RABL6: variants seen among roughly 807,000 people sequenced by gnomAD.
RABL6 encodes rab-like protein 6.
In RABL6, 28 loss-of-function variants were observed where a neutral mutation model predicts 72.9. The observed-to-expected ratio is 0.38, with a 90% CI of 0.28 to 0.53. RABL6 has a LOEUF of 0.53. RABL6 is among the 20% of genes least tolerant of loss of function. The pLI, the probability that RABL6 is intolerant of heterozygous loss-of-function variation, is 0.80. For missense variants in RABL6, 1,029 were observed against 1,008.4 expected (o/e 1.02, Z -0.28); for synonymous variants, 477 against 421.2 (o/e 1.13, Z -1.62).
rs552381023 is a variant in RABL6 at position 136,841,059 on chromosome 9, G to A, written c.*537G>A. ...AAGGCAGCATGTGAGGCCTCTCCTG[G>A]GAGTGGGGGTTGTGTTTCCCACAGT... On this transcript the variant is annotated 3_prime_UTR_variant, in exon 15 of 15. Coordinates refer to ENST00000311502, the MANE Select transcript of RABL6 (RefSeq NM_024718.5). 3.5e-6 allele frequency: 5 copies of A among 1,419,152 alleles called. No homozygotes were observed. The highest frequency in any genetic ancestry group is 1.6e-5 in the South Asian group (1 of 63,974). The allele number at this position is 1,419,152 out of a possible 1,614,324, so 87.9% of individuals were successfully genotyped here.
intron 7 of RABL6, chr9:136,835,534 C>T (rs752123370): frequency 1.1e-5 from 6 of 544,552 alleles, no homozygotes; most frequent in African/African-American, 3.8e-5. Context: ...GTGTAGGTGT[C>T]GTGCCGGCCA....
intron 5 of RABL6, 31 bp downstream of exon 5, chr9:136,829,515 G>T: frequency 6.5e-7 from 1 of 1,539,930 alleles, no homozygotes; most frequent in African/African-American, 1.4e-5. Flanking sequence ...GCAGCTGCCT[G>T]TGACTCTCAC....
chr9:136,840,471 C>G lies in RABL6; in HGVS notation c.2139C>G (p.Gly713=). The part of the protein sequence containing the change: ...AADELEAFLG[G]GAPGGRHPGG... ...ATGAGCTGGAGGCTTTCCTGGGGGG[C>G]GGGGCCCCGGGCGGCCGCCACCCTG... Residue 713 remains glycine (G), a synonymous_variant, in exon 15 of 15, where the codon GGC becomes GGG. Coordinates refer to ENST00000311502, the MANE Select transcript of RABL6 (RefSeq NM_024718.5). 1 of 1,531,034 alleles carries G rather than the reference C, an allele frequency of 6.5e-7. No individual in the cohort carries two copies. The highest frequency in any genetic ancestry group is 8.8e-7 in the Non-Finnish European group (1 of 1,140,088). The allele number at this position is 1,531,034 out of a possible 1,614,324, so 94.8% of individuals were successfully genotyped here.
chr9:136,809,928 G>A (rs1454483415), intron 1 of RABL6: 3 of 153,580 alleles, frequency 2.0e-5, no homozygotes, highest in Non-Finnish European at 4.4e-5. Context: ...TGGAGTGGAA[G>A]CCTGGGGGCT....
intron 1 of RABL6, among the ~76,000 whole-genome samples, chr9:136,818,129 C>T (rs1316252253): frequency 5.4e-5 from 8 of 149,396 alleles, no homozygotes; most frequent in East Asian, 4.0e-4. Context: ...TTTGGGAGGC[C>T]GAGGCGGGCA....
At chr9:136,831,665 G>T in intron 5 of RABL6, 56 bp from the exon 6 acceptor site, 2 of 1,602,724 alleles carry the variant, frequency 1.2e-6, no homozygotes, top group Non-Finnish European at 8.5e-7. Flanking sequence ...CCTTTCCAGG[G>T]AGGGACAGGG....
rs568642234 is a variant in RABL6 at position 136,819,521 on chromosome 9, T to C, written c.131-4004T>C. On this transcript the variant is annotated intron_variant, in intron 1 of 14. Coordinates refer to ENST00000311502, the MANE Select transcript of RABL6 (RefSeq NM_024718.5). ...AATTTTTTTTTCTTTAATTTGGCTA[T>C]GTGGTGTATAAGAGACACATCCAAA... Among the ~76,000 whole-genome samples the C allele has an allele frequency of 1.8e-3, 280 of 152,188 alleles. 1 individual carries two copies. The highest frequency in any genetic ancestry group is 3.1e-3 in the Non-Finnish European group (214 of 68,012).
chr9:136,832,617 T>G, intron 7 of RABL6: 1 of 555,788 alleles, frequency 1.8e-6, no homozygotes, highest in Non-Finnish European at 3.3e-6. Flanking sequence ...CTTGCTCAGT[T>G]TCCCCCAGTG....
Position 136,832,307 on chromosome 9 carries a change from G to A in RABL6, c.642G>A (p.Met214Ile). 1.2e-6 allele frequency: 2 copies of A among 1,613,928 alleles called. No homozygotes were observed. Among genetic ancestry groups the A allele is most frequent in the Non-Finnish European group, 1.7e-6 (2 of 1,179,846 alleles). ...ACTTCCGCTATGCTGAGTCTTCCATGAAGAACAGCTTCGGCCTAAAGTACC... is the reference window on the plus strand; with the variant it reads ...ACTTCCGCTATGCTGAGTCTTCCATAAAGAACAGCTTCGGCCTAAAGTACC... ...SSYFRYAESSMKNSFGLKYLH... is the reference protein window; with the variant it reads ...SSYFRYAESSIKNSFGLKYLH... The change falls in exon 7 of 15, where the codon ATG becomes ATA. Residue 214 changes from methionine (M) to isoleucine (I), a missense_variant. Met to Ile is a conservative substitution (Grantham distance 10). Coordinates refer to ENST00000311502, the MANE Select transcript of RABL6 (RefSeq NM_024718.5).
chr9:136,829,347 G>T, intron 4 of RABL6, 46 bp from the exon 5 acceptor site: 1 of 1,421,306 alleles, frequency 7.0e-7, no homozygotes, highest in South Asian at 1.2e-5. Flanking sequence ...CACACGGGTG[G>T]GGCCCAGCCT....
intron 3 of RABL6, chr9:136,828,222 C>T (rs572837519): frequency 3.4e-4 from 154 of 447,586 alleles, no homozygotes; most frequent in South Asian, 3.1e-3. Context: ...GCCATCCCAC[C>T]GCAGCCTGTC....
chr9:136,830,993 G>A (rs761313398), intron 5 of RABL6: 1 of 154,792 alleles, frequency 6.5e-6, no homozygotes, highest in Non-Finnish European at 1.5e-5. Context: ...GAGGCCAGAG[G>A]TGCCCCTGGG....
rs1320997078 is a variant in RABL6, at chr9:136,840,597, C to T, written c.*75C>T. 6.5e-7 allele frequency: 1 copy of T among 1,549,516 alleles called. No homozygotes were observed. Among genetic ancestry groups the T allele is most frequent in the African/African-American group, 1.4e-5 (1 of 73,154 alleles). ...CCTGGGGAGGCATTTGCCTCTGTAC[C>T]ATCGCCTTTGCCGCTGCCCCGTGGC... On this transcript the variant is annotated 3_prime_UTR_variant, in exon 15 of 15. Transcript: ENST00000311502.
Position 136,841,159 on chromosome 9 carries a change from A to G in RABL6, c.*637A>G. The G allele has an allele frequency of 3.7e-6, 3 of 800,614 alleles. No individual in the cohort carries two copies. The highest frequency in any genetic ancestry group is 5.4e-6 in the Non-Finnish European group (3 of 556,562). 49.6% of individuals were successfully genotyped at this position (800,614 alleles called of 1,614,324 possible). A position where few individuals can be genotyped will look rare whatever the true frequency, so the allele number is the denominator to read the frequency against. On this transcript the variant is annotated 3_prime_UTR_variant, in exon 15 of 15. Transcript: ENST00000311502. ...GGCACTCCTCCCAAACACTCCACTC[A>G]GACCATAAAGCACTCCTGTTTCACT...
intron 5 of RABL6, among the ~76,000 whole-genome samples, chr9:136,831,194 C>T (rs1023671160): frequency 5.9e-5 from 9 of 152,310 alleles, no homozygotes; most frequent in East Asian, 1.9e-4. Context: ...GGCAGTTCCA[C>T]GCCAGGCAGA....
At chr9:136,824,981 C>T (rs993883692) in intron 2 of RABL6, among the ~76,000 whole-genome samples, 7 of 152,146 alleles carry the variant, frequency 4.6e-5, no homozygotes, top group African/African-American at 1.7e-4. Flanking sequence ...GGGCCCCGGG[C>T]GTGCCTCTCC....
Position 136,839,271 on chromosome 9 carries a change from A to G in RABL6, c.1543A>G (p.Thr515Ala). ...KPRRGTAPTR[T>A]AAPPWPGGVS... is the part of the protein sequence containing the mutation. ...ACGGAGGGGGACAGCTCCCACGAGG[A>G]CCGCAGCACCCCCCTGGCCAGGCGG... The change falls in exon 12 of 15, where the codon ACC (threonine) becomes GCC (alanine). Residue 515 changes from threonine (T) to alanine (A), a missense_variant. By Grantham distance (58) the Thr-to-Ala change is moderately conservative. Around this residue, in one of 2 missense-constraint regions of RABL6, gnomAD observed 595 missense variants for 472.4 expected, o/e 1.26. Transcript: ENST00000311502. 6.2e-7 allele frequency: 1 copy of G among 1,608,440 alleles called. No individual in the cohort carries two copies. Among genetic ancestry groups the G allele is most frequent in the Non-Finnish European group, 8.5e-7 (1 of 1,178,012 alleles).
Position 136,819,489 on chromosome 9 carries a change from T to G in RABL6, c.131-4036T>G, listed in dbSNP as rs989698924. ...CTCACCAGCTCGAAAGAATGTGAGA[T>G]TCGAGGAATTTTTTTTTCTTTAATT... is the stretch of plus-strand genomic sequence containing the variant. On this transcript the variant is annotated intron_variant, in intron 1 of 14. Coordinates refer to ENST00000311502, the MANE Select transcript of RABL6 (RefSeq NM_024718.5). 2.0e-5 allele frequency among the ~76,000 whole-genome samples: 3 copies of G among 152,106 alleles called. No individual in the cohort carries two copies. In the East Asian group the frequency reaches 5.8e-4, roughly 29 times the overall value.
rs1019804427 is a variant in RABL6, at chr9:136,840,790, C to T, written c.*268C>T. 22 of 1,547,620 alleles carry T rather than the reference C, an allele frequency of 1.4e-5. No individual in the cohort carries two copies. Among genetic ancestry groups the T allele is most frequent in the African/African-American group, 2.7e-5 (2 of 72,988 alleles). ...CACCCTGGCCCTCTCGGGGCAGAGC[C>T]GCCAGTGTTTCTCAGGGATGTGACT... On this transcript the variant is annotated 3_prime_UTR_variant, in exon 15 of 15. Coordinates refer to ENST00000311502, the MANE Select transcript of RABL6 (RefSeq NM_024718.5).
Sources: gnomAD v4.1 joint callset for allele counts (sites outside exome capture counted in the v4.1 genomes callset) on GRCh38, gnomAD v4.1.1 for gene constraint, gnomAD v4.1.1 regional missense constraint, MANE v1.5 for transcripts, NCBI Gene and HGNC (gene_info 2026-07-23, HGNC 2026-07-21) for gene names.